SLC39A10: variants seen among roughly 807,000 people sequenced by gnomAD.
SLC39A10 encodes zinc transporter ZIP10.
Under a neutral mutation model 65.1 loss-of-function variants are expected in SLC39A10, and 13 were observed. That is an observed-to-expected ratio of 0.20 (90% confidence interval 0.13 to 0.32). The LOEUF (loss-of-function observed/expected upper bound fraction) is 0.32. SLC39A10 is among the 10% of genes least tolerant of loss of function. The pLI is 1.00. For missense variants in SLC39A10, 831 were observed against 1,018.4 expected (o/e 0.82, Z 2.50); for synonymous variants, 321 against 342.2 (o/e 0.94, Z 0.68).
chr2:195,660,625 G>A (rs1219038443), intron 1 of SLC39A10, among the ~76,000 whole-genome samples: 1 of 152,150 alleles, frequency 6.6e-6, no homozygotes, highest in Non-Finnish European at 1.5e-5. Context: ...AAGTGTTTTT[G>A]AACTGGTGAA....
chr2:195,713,343 T>C (rs1691664224), intron 5 of SLC39A10, 90 bp from the exon 6 acceptor site: 1 of 1,039,384 alleles, frequency 9.6e-7, no homozygotes, highest in Non-Finnish European at 1.3e-6. Flanking sequence ...ACACCATTTT[T>C]ACCTGTAGGT....
intron 2 of SLC39A10, among the ~76,000 whole-genome samples, chr2:195,645,165 TC>T (rs1161603185): frequency 5.9e-5 from 9 of 151,878 alleles, no homozygotes; most frequent in Non-Finnish European, 1.0e-4. Context: ...TGCCTCGGCC[TC>T]CCAAAGTGCT....
At chr2:195,623,044 A>G (rs1280437167) in intron 2 of SLC39A10, among the ~76,000 whole-genome samples, 1 of 152,080 alleles carries the variant, frequency 6.6e-6, no homozygotes, top group South Asian at 2.1e-4. Flanking sequence ...ATAGACAGAA[A>G]GGACAATAGC....
intron 2 of SLC39A10, among the ~76,000 whole-genome samples, chr2:195,620,322 A>T (rs1222492950): frequency 6.6e-6 from 1 of 152,224 alleles, no homozygotes; most frequent in East Asian, 1.9e-4. Flanking sequence ...ATAAAAGTAT[A>T]TTTGAGTTAG....
rs116877579 is a variant in SLC39A10, at chr2:195,657,529, C to T, written c.-12+248C>T. The stretch of plus-strand genomic sequence containing the variant: ...CGCGGCTCCTCGTGTGCGGTCTGGG[C>T]TGCTGCGGGCCGCGGGATCGGGAGC... On this transcript the variant is annotated intron_variant, in intron 1 of 9. Coordinates refer to ENST00000359634, the MANE Select transcript of SLC39A10 (RefSeq NM_020342.3). 5,194 of 985,400 alleles carry T rather than the reference C, an allele frequency of 5.3e-3. 367 individuals carry two copies. The East Asian group carries it at 0.25, about 47-fold the overall frequency. 61.0% of individuals were successfully genotyped at this position (985,400 alleles called of 1,614,324 possible). A position where few individuals can be genotyped will look rare whatever the true frequency, so the allele number is the denominator to read the frequency against.
chr2:195,706,850 C>G (rs1691417313), intron 4 of SLC39A10, 65 bp downstream of exon 4: 1 of 1,175,714 alleles, frequency 8.5e-7, no homozygotes, highest in East Asian at 2.9e-5. Flanking sequence ...AAGGGTCCTT[C>G]ATTAGCAAGC....
intron 1 of SLC39A10, among the ~76,000 whole-genome samples, chr2:195,675,634 G>A (rs1287499569): frequency 2.0e-5 from 3 of 152,024 alleles, no homozygotes; most frequent in African/African-American, 4.8e-5. Context: ...GAGTTTCACC[G>A]TGTTAGCCAG....
intron 2 of SLC39A10, among the ~76,000 whole-genome samples, chr2:195,619,085 T>C (rs1688290500): frequency 1.0e-5 from 1 of 96,284 alleles, no homozygotes. Flanking sequence ...AGAGCAAGAC[T>C]CTGTCTCAAA....
intron 1 of SLC39A10, among the ~76,000 whole-genome samples, chr2:195,659,008 CTG>C (rs1689275092): frequency 6.6e-6 from 1 of 152,150 alleles, no homozygotes; most frequent in Non-Finnish European, 1.5e-5. Context: ...TTAGTGAGGA[CTG>C]TAAATGATCT....
rs1022805636 is a variant in SLC39A10 at position 195,687,923 on chromosome 2, A to G, written c.1216+4017A>G. On this transcript the variant is annotated intron_variant, in intron 3 of 9. Transcript: ENST00000359634. ...GTCAATTAAAATGCTGAAGCAGTGT[A>G]GAAAACTGCCATCTTGCACATGCTT... Among the ~76,000 whole-genome samples, 16 of 152,342 alleles carry G rather than the reference A, an allele frequency of 1.1e-4. 1 individual carries two copies. The highest frequency in any genetic ancestry group is 2.9e-5 in the Non-Finnish European group (2 of 68,018).
chr2:195,634,183 G>T (rs1688653686), intron 2 of SLC39A10, among the ~76,000 whole-genome samples: 1 of 152,190 alleles, frequency 6.6e-6, no homozygotes, highest in South Asian at 2.1e-4. Flanking sequence ...GTAGAACACT[G>T]GTTGTGTTAA....
chr2:195,670,032 GC>G (rs2105748834), intron 1 of SLC39A10, among the ~76,000 whole-genome samples: 1 of 152,088 alleles, frequency 6.6e-6, no homozygotes, highest in African/African-American at 2.4e-5. Context: ...GGTGGTGTGT[GC>G]CTGTAGTCCC....
At chr2:195,693,114 G>A (rs1263009675) in intron 3 of SLC39A10, among the ~76,000 whole-genome samples, 1 of 152,038 alleles carries the variant, frequency 6.6e-6, no homozygotes, top group Non-Finnish European at 1.5e-5. Context: ...TTGTTTATGT[G>A]GTGTATCACA....
At chr2:195,729,053 G>A (rs952030002) in intron 9 of SLC39A10, among the ~76,000 whole-genome samples, 3 of 151,158 alleles carry the variant, frequency 2.0e-5, no homozygotes, top group Non-Finnish European at 4.4e-5. Context: ...GCTCACTGCA[G>A]CCTTGACCTC....
intron 3 of SLC39A10, among the ~76,000 whole-genome samples, chr2:195,696,094 A>G (rs942358506): frequency 3.9e-4 from 60 of 152,126 alleles, no homozygotes; most frequent in African/African-American, 1.4e-3. Context: ...TCATTTAACC[A>G]TATATTTGAA....
chr2:195,706,300 T>G (rs766854746), intron 3 of SLC39A10, among the ~76,000 whole-genome samples: 5 of 151,412 alleles, frequency 3.3e-5, no homozygotes, highest in Non-Finnish European at 7.4e-5. Context: ...CCTTTAGACT[T>G]GGGAAATTTT....
intron 3 of SLC39A10, among the ~76,000 whole-genome samples, chr2:195,687,985 G>A (rs1350678951): frequency 6.6e-6 from 1 of 152,116 alleles, no homozygotes; most frequent in Non-Finnish European, 1.5e-5. Flanking sequence ...ACAGATGAGC[G>A]CTTCTTTTTA....
intron 2 of SLC39A10, among the ~76,000 whole-genome samples, chr2:195,639,929 T>G (rs1364124385): frequency 1.3e-5 from 2 of 150,726 alleles, no homozygotes; most frequent in East Asian, 4.0e-4. Flanking sequence ...AGGAGATATT[T>G]GTTCTCTGCC....
chr2:195,662,839 A>T (rs559854687), intron 1 of SLC39A10, among the ~76,000 whole-genome samples: 36 of 152,328 alleles, frequency 2.4e-4, no homozygotes, highest in African/African-American at 7.9e-4. Context: ...TGTATTGTCT[A>T]TAGCTGCTCT....
Sources: allele counts gnomAD v4.1 joint callset (sites outside exome capture counted in the v4.1 genomes callset), GRCh38; gene constraint gnomAD v4.1.1; transcripts MANE v1.5; gene names NCBI Gene and HGNC (gene_info 2026-07-23, HGNC 2026-07-21).